Variants in CNTN5 observed in about 807,000 individuals in gnomAD.
CNTN5 encodes the protein contactin-5.
Under a neutral mutation model 129.1 loss-of-function variants are expected in CNTN5, and 77 were observed. The observed-to-expected ratio is 0.60, with a 90% CI of 0.50 to 0.72. The LOEUF (loss-of-function observed/expected upper bound fraction) is 0.72, where lower values mean the gene tolerates loss of function less well. Among genes scored for constraint, CNTN5 ranks in the 30% least tolerant of loss-of-function variants. The pLI, the probability that CNTN5 is intolerant of heterozygous loss-of-function variation, is 0.00. For missense variants in CNTN5, 1,478 were observed against 1,328.8 expected (o/e 1.11, Z -1.75); for synonymous variants, 509 against 465.6 (o/e 1.09, Z -1.20).
chr11:99,297,844 G>A (rs985378336), intron 1 of CNTN5, among the ~76,000 whole-genome samples: 2 of 152,092 alleles, frequency 1.3e-5, no homozygotes, highest in African/African-American at 2.4e-5. Flanking sequence ...CAATATTAGC[G>A]CTTACTACCA....
At chr11:100,069,110 C>T (rs117820661) in intron 10 of CNTN5, among the ~76,000 whole-genome samples, 1,820 of 152,108 alleles carry the variant, frequency 0.012, 16 homozygotes, top group Non-Finnish European at 0.015. Flanking sequence ...TCTGCTACTC[C>T]GTTATACCCA....
At chr11:99,104,394 G>A (rs1565320159) in intron 1 of CNTN5, among the ~76,000 whole-genome samples, 2 of 152,136 alleles carry the variant, frequency 1.3e-5, no homozygotes, top group South Asian at 2.1e-4. Context: ...CGACCAAAGC[G>A]GGTGTAGCAT....
At chr11:99,900,842 T>G (rs1949337431) in intron 6 of CNTN5, among the ~76,000 whole-genome samples, 3 of 151,848 alleles carry the variant, frequency 2.0e-5, no homozygotes, top group Admixed American at 1.3e-4. Flanking sequence ...ATAATTTATT[T>G]ACATCTTAAT....
chr11:99,589,497 A>G (rs549063675), intron 3 of CNTN5, among the ~76,000 whole-genome samples: 44 of 152,330 alleles, frequency 2.9e-4, no homozygotes, highest in African/African-American at 1.0e-3. Flanking sequence ...GAAAACAGTA[A>G]TTTTGCCTTG....
intron 3 of CNTN5, among the ~76,000 whole-genome samples, chr11:99,630,818 C>A (rs959437682): frequency 2.0e-4 from 31 of 152,126 alleles, no homozygotes; most frequent in African/African-American, 7.2e-4. Flanking sequence ...GCTTTTATTG[C>A]ACCCTTGTGG....
At chr11:100,256,067 T>C in intron 17 of CNTN5, 149 bp downstream of exon 17, 1 of 722,320 alleles carries the variant, frequency 1.4e-6, no homozygotes, top group Non-Finnish European at 2.2e-6. Context: ...CTTCTTTTTA[T>C]GAACCTGAGA....
In CNTN5 at chr11:99,655,235, C is replaced by G. The variant is rs145245971; in HGVS notation, c.55+98966C>G. Among the ~76,000 whole-genome samples the G allele has an allele frequency of 1.1e-3, 161 of 152,182 alleles. 3 individuals are homozygous for G. In the East Asian group the frequency reaches 0.028, roughly 27 times the overall value. On this transcript the variant is annotated intron_variant, in intron 3 of 24. Transcript: ENST00000524871. ...AGTATCAAATCAATTATTAAACAGT[C>G]TTACAAGCCTAATGTCAGAAATCCT...
chr11:99,726,803 A>G (rs1365134410), intron 3 of CNTN5, among the ~76,000 whole-genome samples: 4 of 152,144 alleles, frequency 2.6e-5, no homozygotes, highest in Admixed American at 1.3e-4. Context: ...ACCACTGCAC[A>G]ATACCACTCT....
At chr11:99,244,005 A>T (rs901584183) in intron 1 of CNTN5, among the ~76,000 whole-genome samples, 1 of 152,074 alleles carries the variant, frequency 6.6e-6, no homozygotes, top group African/African-American at 2.4e-5. Flanking sequence ...TTGAAAAATG[A>T]AATTGGTAGT....
chr11:100,101,524 C>T (rs533898719), intron 13 of CNTN5, among the ~76,000 whole-genome samples: 24 of 152,156 alleles, frequency 1.6e-4, no homozygotes, highest in South Asian at 2.1e-4. Context: ...CCTCATGCAG[C>T]GGCTTCTGCT....
At chr11:99,033,016 A>T (rs1863481255) in intron 1 of CNTN5, among the ~76,000 whole-genome samples, 1 of 140,256 alleles carries the variant, frequency 7.1e-6, no homozygotes, top group African/African-American at 2.8e-5. Context: ...ACCATTTATT[A>T]AATAGGGAAT....
Position 99,057,785 on chromosome 11 carries a change from A to AGTGTGTGTGT in CNTN5, c.-210+36538_-210+36547dup, listed in dbSNP as rs67721084. On this transcript the variant is annotated intron_variant, in intron 1 of 24. Coordinates refer to ENST00000524871, the MANE Select transcript of CNTN5 (RefSeq NM_014361.4). ...ATAAGTAAGTGAAACATGAAACATA[A>AGTGTGTGTGT]GTGTGTGTGTGTGTGTGTGTGTGTG... is the stretch of plus-strand genomic sequence containing the variant. 8.8e-3 allele frequency among the ~76,000 whole-genome samples: 1,283 copies of AGTGTGTGTGT among 145,008 alleles called. 17 individuals are homozygous for AGTGTGTGTGT. Among genetic ancestry groups the AGTGTGTGTGT allele is most frequent in the East Asian group, 0.072 (349 of 4,830 alleles).
At chr11:100,141,177 C>T (rs1215256401) in intron 13 of CNTN5, among the ~76,000 whole-genome samples, 1 of 151,862 alleles carries the variant, frequency 6.6e-6, no homozygotes, top group African/African-American at 2.4e-5. Context: ...AATTCGGAGT[C>T]TAAAAAGGCA....
intron 3 of CNTN5, among the ~76,000 whole-genome samples, chr11:99,615,079 ATATATAT>A (rs200571345): frequency 0.15 from 21,628 of 147,988 alleles, 1,553 homozygotes; most frequent in East Asian, 0.18. Context: ...ATATATAAAA[ATATATAT>A]TATATAGATA....
At chr11:100,027,399 T>C (rs1230165025) in intron 9 of CNTN5, among the ~76,000 whole-genome samples, 1 of 152,194 alleles carries the variant, frequency 6.6e-6, no homozygotes, top group Non-Finnish European at 1.5e-5. Flanking sequence ...GCTTAATTTT[T>C]CCCCACTGTT....
intron 13 of CNTN5, among the ~76,000 whole-genome samples, chr11:100,140,511 A>G (rs1416292628): frequency 1.3e-5 from 2 of 152,138 alleles, no homozygotes; most frequent in Admixed American, 6.6e-5. Flanking sequence ...GAGTTAGGGT[A>G]CAGAAAAGGG....
intron 9 of CNTN5, among the ~76,000 whole-genome samples, chr11:100,015,774 C>T (rs533745347): frequency 6.6e-6 from 1 of 152,098 alleles, no homozygotes; most frequent in African/African-American, 2.4e-5. Context: ...ATTAAAATTT[C>T]CAAAAGCATA....
intron 4 of CNTN5, among the ~76,000 whole-genome samples, chr11:99,820,675 G>C (rs1322498518): frequency 6.6e-6 from 1 of 152,170 alleles, no homozygotes. Flanking sequence ...ATGTGAAGTA[G>C]ATATTGTTAC....
intron 2 of CNTN5, among the ~76,000 whole-genome samples, chr11:99,419,028 A>G (rs1403889011): frequency 1.3e-5 from 2 of 152,130 alleles, no homozygotes; most frequent in African/African-American, 2.4e-5. Context: ...AGGATTATGC[A>G]TGATAAGGAA....
Sources: gnomAD v4.1 joint callset for allele counts (sites outside exome capture counted in the v4.1 genomes callset) on GRCh38, gnomAD v4.1.1 for gene constraint, MANE v1.5 for transcripts, NCBI Gene and HGNC (gene_info 2026-07-23, HGNC 2026-07-21) for gene names.